Variants in ASB15 observed in about 807,000 individuals in gnomAD.
ASB15 encodes ankyrin repeat and SOCS box containing 15.
ASB15 carries 54 observed loss-of-function variants against 58.0 expected under a neutral mutation model. The observed-to-expected ratio is 0.93, with a 90% CI of 0.75 to 1.17. The LOEUF (loss-of-function observed/expected upper bound fraction) is 1.17. ASB15 is among the 50% of genes most tolerant of loss of function. The pLI is 0.00. For missense variants in ASB15, 680 were observed against 707.4 expected (o/e 0.96, Z 0.44); for synonymous variants, 249 against 262.4 (o/e 0.95, Z 0.50).
upstream of ASB15, among the ~76,000 whole-genome samples, chr7:123,599,809 T>G (rs1377152196): frequency 6.6e-6 from 1 of 152,208 alleles, no homozygotes; most frequent in African/African-American, 2.4e-5. Flanking sequence ...AGTGTCATTT[T>G]GTATACCTTC....
chr7:123,581,411 A>G (rs1486972087), intron 1 of ASB15, among the ~76,000 whole-genome samples: 1 of 133,628 alleles, frequency 7.5e-6, no homozygotes, highest in Non-Finnish European at 1.6e-5. Context: ...TCAAGTGAGC[A>G]CTTAAAAAAA....
intron 1 of ASB15, among the ~76,000 whole-genome samples, chr7:123,583,865 T>C (rs1799303510): frequency 6.6e-6 from 1 of 151,858 alleles, no homozygotes; most frequent in African/African-American, 2.4e-5. Context: ...AAACCAAACC[T>C]AAAGTTTGCC....
Position 123,624,641 on chromosome 7 carries a change from T to C in ASB15, c.524T>C (p.Val175Ala). 6.2e-7 allele frequency: 1 copy of C among 1,614,034 alleles called. No individual in the cohort carries two copies. Among genetic ancestry groups the C allele is most frequent in the Non-Finnish European group, 8.5e-7 (1 of 1,179,942 alleles). The change falls in exon 8 of 12, where the codon GTC becomes GCC. Residue 175 changes from valine (V) to alanine (A), a missense_variant. Coordinates refer to ENST00000451215, the MANE Select transcript of ASB15 (RefSeq NM_001290258.2). ...AACACTAGCCTAGACCAGCCCTGTGTCAAGCGATGGTCAGCAATGCATGAA... is the reference window on the plus strand; with the variant it reads ...AACACTAGCCTAGACCAGCCCTGTGCCAAGCGATGGTCAGCAATGCATGAA... ...KHNTSLDQPC[V>A]KRWSAMHEAA...
chr7:123,597,570 G>T (rs186870808), upstream of ASB15, among the ~76,000 whole-genome samples: 1 of 151,978 alleles, frequency 6.6e-6, no homozygotes, highest in Non-Finnish European at 1.5e-5. Flanking sequence ...GGTGGCTCAC[G>T]CCTGTAATCC....
chr7:123,603,491 G>A (rs548372629), intron 1 of ASB15, among the ~76,000 whole-genome samples: 1 of 150,078 alleles, frequency 6.7e-6, no homozygotes, highest in South Asian at 2.1e-4. Context: ...ATACTAGGTG[G>A]TGGTGTCTTT....
At chr7:123,576,791 G>A (rs1461640785) in intron 1 of ASB15, among the ~76,000 whole-genome samples, 2 of 152,152 alleles carry the variant, frequency 1.3e-5, no homozygotes. Flanking sequence ...TCTAAGATCT[G>A]CTGCCACTAG....
At chr7:123,612,417 T>A (rs1800517372) in intron 3 of ASB15, 1 of 152,210 alleles carries the variant, frequency 6.6e-6, no homozygotes. Flanking sequence ...AAATAACTTG[T>A]AAAGCAAATA....
Position 123,624,567 on chromosome 7 carries a change from AG to A in ASB15, c.452-1del. The A allele has an allele frequency of 6.2e-7, 1 of 1,610,470 alleles. No homozygotes were observed. ...CTGTTGTTTTTAACAATCATTTTCAAGCTGTGAAAAAGGGCTCCTATGACAT... is the reference window on the plus strand; with the variant it reads ...CTGTTGTTTTTAACAATCATTTTCAACTGTGAAAAAGGGCTCCTATGACAT... On this transcript the variant is annotated splice_acceptor_variant, in intron 7 of 11. Transcript: ENST00000451215. LOFTEE classifies it high-confidence loss of function.
intron 1 of ASB15, among the ~76,000 whole-genome samples, chr7:123,591,717 A>G (rs1799544320): frequency 6.6e-6 from 1 of 152,038 alleles, no homozygotes. Context: ...TTTACTGAGG[A>G]TTTTCACATC....
chr7:123,598,512 GA>G (rs1321014320), upstream of ASB15, among the ~76,000 whole-genome samples: 1 of 150,374 alleles, frequency 6.7e-6, no homozygotes, highest in African/African-American at 2.4e-5. Flanking sequence ...GGAAAAACAA[GA>G]AAAAAAAAGA....
chr7:123,630,381 T>C (rs190592490), intron 11 of ASB15, among the ~76,000 whole-genome samples: 194 of 152,340 alleles, frequency 1.3e-3, no homozygotes, highest in Non-Finnish European at 2.2e-3. Flanking sequence ...AAAAATTAAC[T>C]TCTATAATAT....
rs139250416 is a variant in ASB15 at position 123,573,698 on chromosome 7, T to C, written c.-443+6610T>C. 1.8e-3 allele frequency among the ~76,000 whole-genome samples: 274 copies of C among 152,268 alleles called. 2 individuals carry two copies. The highest frequency in any genetic ancestry group is 6.3e-3 in the African/African-American group (261 of 41,554). ...TTTCATGTGGTAGGCCTGGCTTCTG[T>C]ATCCTTCCAGGAGTGGAGTAAATTT... On this transcript the variant is annotated intron_variant, in intron 1 of 13. Coordinates refer to the ASB15 transcript ENST00000451558.
chr7:123,590,689 T>C (rs1799510546), intron 1 of ASB15, among the ~76,000 whole-genome samples: 1 of 152,206 alleles, frequency 6.6e-6, no homozygotes, highest in South Asian at 2.1e-4. Flanking sequence ...TATCTCTGTT[T>C]TGGTTACTGT....
chr7:123,638,769 A>G lies in ASB15; in HGVS notation c.*1788A>G, dbSNP rs1477046788. 2.6e-5 allele frequency: 4 copies of G among 151,976 alleles called. No homozygotes were observed. The highest frequency in any genetic ancestry group is 1.9e-4 in the East Asian group (1 of 5,180). 9.4% of individuals were successfully genotyped at this position (151,976 alleles called of 1,614,324 possible). A position where few individuals can be genotyped will look rare whatever the true frequency, so the allele number is the denominator to read the frequency against. On this transcript the variant is annotated 3_prime_UTR_variant, in exon 12 of 12. Coordinates refer to ENST00000451215, the MANE Select transcript of ASB15 (RefSeq NM_001290258.2). ...CACCTGATCAACTCCCACTTACCCT[A>G]TAGGTCTCAGCTGAGATGTTGCTTC... is the stretch of plus-strand genomic sequence containing the variant.
At chr7:123,574,746 A>C (rs1799016237) in intron 1 of ASB15, among the ~76,000 whole-genome samples, 1 of 152,128 alleles carries the variant, frequency 6.6e-6, no homozygotes, top group East Asian at 1.9e-4. Context: ...AAGATCTTAC[A>C]TCAAGCAATA....
chr7:123,616,043 A>G (rs1363056897), intron 4 of ASB15, among the ~76,000 whole-genome samples, 178 bp from the exon 5 acceptor site: 3 of 152,116 alleles, frequency 2.0e-5, no homozygotes, highest in Non-Finnish European at 2.9e-5. Flanking sequence ...TCATAAATAT[A>G]CTCTGTGTCT....
intron 8 of ASB15, among the ~76,000 whole-genome samples, chr7:123,626,380 A>G (rs906680235): frequency 4.6e-5 from 7 of 152,142 alleles, no homozygotes; most frequent in Non-Finnish European, 1.0e-4. Flanking sequence ...ACTGAGGCAG[A>G]AGAACTGCTT....
chr7:123,632,144 T>C (rs1042284546), intron 11 of ASB15, among the ~76,000 whole-genome samples: 1 of 151,766 alleles, frequency 6.6e-6, no homozygotes, highest in African/African-American at 2.4e-5. Context: ...AATGAATACA[T>C]AACTTAAAAA....
rs1188505663 is a variant in ASB15, at chr7:123,624,634, C to T, written c.517C>T (p.Pro173Ser). The T allele has an allele frequency of 6.2e-7, 1 of 1,613,834 alleles. No individual in the cohort carries two copies. Among genetic ancestry groups the T allele is most frequent in the Admixed American group, 1.7e-5 (1 of 59,998 alleles). ...CAAACATAACACTAGCCTAGACCAG[C>T]CCTGTGTCAAGCGATGGTCAGCAAT... ...LIKHNTSLDQ[P>S]CVKRWSAMHE... The change falls in exon 8 of 12, where the codon CCC (proline) becomes TCC (serine). Residue 173 changes from proline to serine, a missense_variant. By Grantham distance (74) the Pro-to-Ser change is moderately conservative. Coordinates refer to ENST00000451215, the MANE Select transcript of ASB15 (RefSeq NM_001290258.2).
Sources: allele counts gnomAD v4.1 joint callset (sites outside exome capture counted in the v4.1 genomes callset), GRCh38; gene constraint gnomAD v4.1.1; transcripts MANE v1.5; gene names NCBI Gene and HGNC (gene_info 2026-07-23, HGNC 2026-07-21).